GAB2: variants seen among roughly 807,000 people sequenced by gnomAD.
GAB2 encodes the protein GRB2-associated-binding protein 2.
In GAB2, 26 loss-of-function variants were observed where a neutral mutation model predicts 65.5. The observed-to-expected ratio is 0.40, with a 90% CI of 0.29 to 0.55. The LOEUF is 0.55. Among genes scored for constraint, GAB2 ranks in the 20% least tolerant of loss-of-function variants. The pLI is 0.53. For synonymous variants in GAB2, 321 were observed against 329.6 expected (o/e 0.97, Z 0.28); for missense variants, 884 against 875.8 (o/e 1.01, Z -0.12).
intron 1 of GAB2, among the ~76,000 whole-genome samples, chr11:78,339,689 G>T (rs1459645249): frequency 6.6e-6 from 1 of 152,182 alleles, no homozygotes; most frequent in Non-Finnish European, 1.5e-5. Context: ...TGTAAGATAT[G>T]TTCTTTATGT....
chr11:78,233,040 G>GTTTTTTTTTTTTTTTTTTTTTTT (rs372693456), intron 3 of GAB2, among the ~76,000 whole-genome samples: 3 of 132,006 alleles, frequency 2.3e-5, no homozygotes, highest in African/African-American at 9.0e-5. Flanking sequence ...GCACTGTTAA[G>GTTTTTTTTTTTTTTTTTTTTTTT]TTTTTTTTTT....
At chr11:78,241,918 G>A (rs1053906427) in intron 3 of GAB2, among the ~76,000 whole-genome samples, 4 of 152,144 alleles carry the variant, frequency 2.6e-5, no homozygotes, top group African/African-American at 9.7e-5. Flanking sequence ...AAAATCAACA[G>A]GGAAACAATT....
chr11:78,230,301 A>C (rs1481410384), intron 3 of GAB2, among the ~76,000 whole-genome samples: 2 of 152,226 alleles, frequency 1.3e-5, no homozygotes, highest in Non-Finnish European at 2.9e-5. Flanking sequence ...TCTCGCTCAC[A>C]GAACTACTCA....
At position 78,223,601 on chromosome 11, in the gene GAB2, A is replaced by C; in HGVS notation, c.1378T>G (p.Ser460Ala). ...GCTCGTTCCATGGCCAACAGGGTGG[A>C]AGAACCTGGATTCATGGGCACATAG... ...DNYVPMNPGSSTLLAMERAGD... is the reference protein window; with the variant it reads ...DNYVPMNPGSATLLAMERAGD... Residue 460 changes from serine (S) to alanine (A), a missense_variant, in exon 6 of 10, where the codon TCC becomes GCC. Physicochemically the swap from Ser to Ala is moderately conservative, Grantham distance 99. Coordinates refer to ENST00000361507, the MANE Select transcript of GAB2 (RefSeq NM_080491.3). 6.2e-7 allele frequency: 1 copy of C among 1,613,684 alleles called. No homozygotes were observed. The highest frequency in any genetic ancestry group is 1.1e-5 in the South Asian group (1 of 91,004).
At chr11:78,309,386 C>CCCCAGT (rs1855439227) in intron 1 of GAB2, among the ~76,000 whole-genome samples, 1 of 151,950 alleles carries the variant, frequency 6.6e-6, no homozygotes, top group Non-Finnish European at 1.5e-5. Context: ...AACAGCCTTT[C>CCCCAGT]CCCAGTCCCT....
intron 3 of GAB2, among the ~76,000 whole-genome samples, chr11:78,234,317 A>C (rs1864930419): frequency 6.6e-6 from 1 of 152,062 alleles, no homozygotes; most frequent in South Asian, 2.1e-4. Flanking sequence ...TCCTGAGCTC[A>C]AGCAATCTGC....
chr11:78,298,948 A>G (rs1338455324), intron 1 of GAB2, among the ~76,000 whole-genome samples: 1 of 152,212 alleles, frequency 6.6e-6, no homozygotes. Flanking sequence ...ACTGTCTTCA[A>G]CAGTGGTATT....
chr11:78,278,988 C>T (rs1394000498), intron 2 of GAB2, among the ~76,000 whole-genome samples: 4 of 142,334 alleles, frequency 2.8e-5, no homozygotes, highest in Non-Finnish European at 6.1e-5. Flanking sequence ...TTCCCTCTAC[C>T]ACTTTTTTTT....
intron 1 of GAB2, among the ~76,000 whole-genome samples, chr11:78,382,425 C>A (rs897528683): frequency 6.6e-6 from 1 of 151,202 alleles, no homozygotes; most frequent in African/African-American, 2.4e-5. Context: ...GTCGCCCAGG[C>A]TGGAGTGCAG....
intron 1 of GAB2, among the ~76,000 whole-genome samples, chr11:78,323,008 C>G (rs1855754868): frequency 6.8e-6 from 1 of 147,818 alleles, no homozygotes; most frequent in South Asian, 2.3e-4. Context: ...ACCAGAAAGA[C>G]ATATGCACTC....
intron 1 of GAB2, among the ~76,000 whole-genome samples, chr11:78,300,685 GT>G (rs763136988): frequency 1.7e-5 from 2 of 120,686 alleles, no homozygotes; most frequent in Non-Finnish European, 3.3e-5. Context: ...TTTTTTTTTG[GT>G]TTTTTTTTGT....
intron 9 of GAB2, among the ~76,000 whole-genome samples, 194 bp downstream of exon 9, chr11:78,220,125 C>T (rs1382115814): frequency 4.6e-5 from 7 of 152,168 alleles, no homozygotes; most frequent in Non-Finnish European, 1.5e-5. Context: ...GGGTACTGTG[C>T]TCTGAGAGCA....
chr11:78,386,064 G>A (rs1428620576), intron 1 of GAB2, among the ~76,000 whole-genome samples: 17 of 152,166 alleles, frequency 1.1e-4, no homozygotes, highest in Admixed American at 6.5e-5. Context: ...AAGACTCTTA[G>A]ACTCATTCTT....
intron 2 of GAB2, among the ~76,000 whole-genome samples, chr11:78,267,282 C>G (rs1865896200): frequency 6.6e-6 from 1 of 152,122 alleles, no homozygotes; most frequent in African/African-American, 2.4e-5. Context: ...TGCAGGGGGC[C>G]TGGACTTAAT....
chr11:78,342,274 C>A (rs1856109299), intron 1 of GAB2, among the ~76,000 whole-genome samples: 1 of 152,182 alleles, frequency 6.6e-6, no homozygotes, highest in South Asian at 2.1e-4. Flanking sequence ...TATTCCCAGC[C>A]TTACTCTCTG....
intron 1 of GAB2, among the ~76,000 whole-genome samples, chr11:78,323,171 C>T (rs1855758446): frequency 6.6e-6 from 1 of 152,040 alleles, no homozygotes; most frequent in Admixed American, 6.6e-5. Context: ...TTTGCAGCAG[C>T]ATGTATGCAG....
intron 1 of GAB2, among the ~76,000 whole-genome samples, chr11:78,410,888 C>T (rs1379607495): frequency 6.6e-6 from 1 of 152,156 alleles, no homozygotes; most frequent in Admixed American, 6.5e-5. Flanking sequence ...GTGGTTCACA[C>T]CTATAATCGC....
At chr11:78,230,029 C>T (rs1015822449) in intron 3 of GAB2, among the ~76,000 whole-genome samples, 1 of 152,244 alleles carries the variant, frequency 6.6e-6, no homozygotes, top group African/African-American at 2.4e-5. Context: ...CTACTTATCT[C>T]TGCCAACAGA....
At chr11:78,328,188 A>G (rs878931660) in intron 1 of GAB2, among the ~76,000 whole-genome samples, 1 of 152,220 alleles carries the variant, frequency 6.6e-6, no homozygotes, top group African/African-American at 2.4e-5. Flanking sequence ...TCGGGTCCAC[A>G]TTGTTTGATA....
Sources: allele counts gnomAD v4.1 joint callset (sites outside exome capture counted in the v4.1 genomes callset), GRCh38; gene constraint gnomAD v4.1.1; transcripts MANE v1.5; gene names NCBI Gene and HGNC (gene_info 2026-07-23, HGNC 2026-07-21).